Variants in OSBPL1A observed in about 807,000 individuals in gnomAD.
The protein encoded by OSBPL1A is oxysterol-binding protein-related protein 1.
Under a neutral mutation model 137.1 loss-of-function variants are expected in OSBPL1A, and 80 were observed. The ratio of observed to expected loss-of-function variants is 0.58; its 90% CI spans 0.49 to 0.70. The LOEUF (loss-of-function observed/expected upper bound fraction) is 0.70, where lower values mean the gene tolerates loss of function less well. Among genes scored for constraint, OSBPL1A ranks in the 30% least tolerant of loss-of-function variants. The probability of loss-of-function intolerance (pLI) is 0.00; values close to 1 mark genes in which losing one functional copy is unlikely to be tolerated. For missense variants in OSBPL1A, 970 were observed against 1,129.4 expected (o/e 0.86, Z 2.02); for synonymous variants, 365 against 389.7 (o/e 0.94, Z 0.75).
intron 15 of OSBPL1A, among the ~76,000 whole-genome samples, chr18:24,266,270 T>C (rs1476246869): frequency 6.6e-6 from 1 of 152,168 alleles, no homozygotes; most frequent in Admixed American, 6.5e-5. Flanking sequence ...CTGGTCTGCA[T>C]AAAGAATAAC....
At chr18:24,244,210 A>G (rs1263714734) in intron 15 of OSBPL1A, among the ~76,000 whole-genome samples, 1 of 152,192 alleles carries the variant, frequency 6.6e-6, no homozygotes, top group Non-Finnish European at 1.5e-5. Flanking sequence ...TGTCTTTGTA[A>G]TTCCAGGCAC....
chr18:24,259,719 G>C (rs1318080592), intron 15 of OSBPL1A, among the ~76,000 whole-genome samples: 1 of 152,014 alleles, frequency 6.6e-6, no homozygotes, highest in Non-Finnish European at 1.5e-5. Flanking sequence ...GTAATACACT[G>C]ATACATGTAA....
rs1907856867 is a variant in OSBPL1A at position 24,397,666 on chromosome 18, C to T, written c.-14G>A. Reference sequence around the variant, plus strand: ...CGCGAGAAACTGACCTACGCGGTCACCCGGGCTCCCAGAGCTCCCGAGGCG... The same window carrying T: ...CGCGAGAAACTGACCTACGCGGTCATCCGGGCTCCCAGAGCTCCCGAGGCG... On this transcript the variant is annotated 5_prime_UTR_variant, in exon 1 of 28. In the 5' UTR this introduces an upstream ATG that the reference lacks. Transcript: ENST00000319481. 1 of 152,298 alleles carries T rather than the reference C, an allele frequency of 6.6e-6. No individual in the cohort carries two copies. 9.4% of individuals were successfully genotyped at this position (152,298 alleles called of 1,614,324 possible).
At chr18:24,196,224 A>G (rs1422588709) in intron 17 of OSBPL1A, 24 bp from the exon 18 acceptor site, 4 of 1,542,934 alleles carry the variant, frequency 2.6e-6, no homozygotes, top group Admixed American at 3.4e-5. Context: ...AGAAAAACAT[A>G]AAGTTCATTC....
At position 24,162,941 on chromosome 18, in the gene OSBPL1A, CTA is replaced by C; in HGVS notation, c.*236_*237del. 2.9e-6 allele frequency: 1 copy of C among 341,542 alleles called. No homozygotes were observed. The highest frequency in any genetic ancestry group is 3.3e-5 in the South Asian group (1 of 29,908). The allele number at this position is 341,542 out of a possible 1,614,324, so 21.2% of individuals were successfully genotyped here. A position where few individuals can be genotyped will look rare whatever the true frequency, so the allele number is the denominator to read the frequency against. On this transcript the variant is annotated 3_prime_UTR_variant, in exon 28 of 28. Transcript: ENST00000319481. ...ATTCCCCAGCAGTGTTCTCTTACCT[CTA>C]TATAAAATAGTATTCCAAATAAGTA... is the stretch of plus-strand genomic sequence containing the variant.
At chr18:24,199,004 C>T (rs111502282) in intron 17 of OSBPL1A, among the ~76,000 whole-genome samples, 5,658 of 151,866 alleles carry the variant, frequency 0.037, 141 homozygotes, top group Non-Finnish European at 0.059. Flanking sequence ...ACTACAGGTA[C>T]CCGCCACCAT....
At chr18:24,365,452 C>T (rs184191897) in intron 4 of OSBPL1A, among the ~76,000 whole-genome samples, 9 of 152,072 alleles carry the variant, frequency 5.9e-5, no homozygotes, top group East Asian at 1.9e-4. Flanking sequence ...GGCATGGTGG[C>T]GGGTGCCTGT....
chr18:24,341,995 C>G (rs917761370), intron 4 of OSBPL1A, among the ~76,000 whole-genome samples: 1 of 152,202 alleles, frequency 6.6e-6, no homozygotes, highest in Non-Finnish European at 1.5e-5. Flanking sequence ...GAAGTACATT[C>G]ACTGAAGATC....
intron 1 of OSBPL1A, among the ~76,000 whole-genome samples, chr18:24,393,530 G>A (rs1457503368): frequency 1.3e-5 from 2 of 152,164 alleles, no homozygotes; most frequent in African/African-American, 2.4e-5. Context: ...TCCGCTCACT[G>A]CAAGCTCCTC....
intron 17 of OSBPL1A, among the ~76,000 whole-genome samples, chr18:24,213,156 C>T (rs1030687271): frequency 3.3e-5 from 5 of 152,248 alleles, no homozygotes; most frequent in East Asian, 3.9e-4. Context: ...ATTAGCGTAG[C>T]GTCTTAGAAG....
chr18:24,187,193 G>A (rs976516338), intron 18 of OSBPL1A, among the ~76,000 whole-genome samples: 1 of 152,104 alleles, frequency 6.6e-6, no homozygotes, highest in South Asian at 2.1e-4. Context: ...AATAAGAAAG[G>A]GCTCTGAACA....
At chr18:24,285,446 T>C (rs2090051884) in intron 14 of OSBPL1A, among the ~76,000 whole-genome samples, 1 of 152,214 alleles carries the variant, frequency 6.6e-6, no homozygotes, top group African/African-American at 2.4e-5. Flanking sequence ...ATAGGTTGGT[T>C]GATTAGGGCA....
At chr18:24,325,108 A>AAAG (rs1211901588) in intron 7 of OSBPL1A, among the ~76,000 whole-genome samples, 30 of 152,080 alleles carry the variant, frequency 2.0e-4, no homozygotes, top group Non-Finnish European at 1.8e-4. Flanking sequence ...AGAAAGAAAG[A>AAAG]AAGAAAAGGA....
At chr18:24,312,471 A>G (rs1462632758) in intron 12 of OSBPL1A, among the ~76,000 whole-genome samples, 2 of 152,222 alleles carry the variant, frequency 1.3e-5, no homozygotes, top group Admixed American at 6.5e-5. Context: ...AAGTTACTAT[A>G]TAGTAATGGA....
At chr18:24,243,275 C>T (rs2088771326) in intron 15 of OSBPL1A, among the ~76,000 whole-genome samples, 1 of 152,064 alleles carries the variant, frequency 6.6e-6, no homozygotes, top group Non-Finnish European at 1.5e-5. Flanking sequence ...TGAGCAATGT[C>T]CAAAATGATC....
At chr18:24,240,560 C>T (rs568847086) in intron 15 of OSBPL1A, among the ~76,000 whole-genome samples, 5 of 152,280 alleles carry the variant, frequency 3.3e-5, no homozygotes, top group South Asian at 2.1e-4. Context: ...TATAGACAGA[C>T]AGGAGGCAGA....
chr18:24,192,496 T>C (rs2086913406), intron 18 of OSBPL1A, among the ~76,000 whole-genome samples: 1 of 152,248 alleles, frequency 6.6e-6, no homozygotes, highest in Non-Finnish European at 1.5e-5. Context: ...AGGTAAAGTA[T>C]TCATTTCACA....
chr18:24,167,491 G>C (rs775641105), intron 24 of OSBPL1A, 46 bp from the exon 25 acceptor site: 18 of 1,484,912 alleles, frequency 1.2e-5, no homozygotes, highest in Non-Finnish European at 1.6e-5. Context: ...AAAGTTTTAA[G>C]ATACAGTCAA....
At chr18:24,340,376 C>A (rs570963868) in intron 5 of OSBPL1A, among the ~76,000 whole-genome samples, 5 of 152,172 alleles carry the variant, frequency 3.3e-5, no homozygotes, top group Non-Finnish European at 7.3e-5. Context: ...ATGAAGTCCT[C>A]AAGAAAACTG....
Sources: gnomAD v4.1 joint callset for allele counts (sites outside exome capture counted in the v4.1 genomes callset) on GRCh38, gnomAD v4.1.1 for gene constraint, MANE v1.5 for transcripts, NCBI Gene and HGNC (gene_info 2026-07-23, HGNC 2026-07-21) for gene names.